Variants in ESPN observed in about 807,000 individuals in gnomAD.
ESPN encodes the protein espin.
A neutral mutation model predicts 77.7 loss-of-function variants in ESPN; 68 were observed. That is an observed-to-expected ratio of 0.87 (90% CI 0.72 to 1.07). ESPN has a LOEUF of 1.07. ESPN is among the 50% of genes least tolerant of loss of function. The probability of loss-of-function intolerance (pLI) is 0.00; values close to 1 mark genes in which losing one functional copy is unlikely to be tolerated. For synonymous variants in ESPN, 449 were observed against 567.1 expected (o/e 0.79, Z 2.96); for missense variants, 1,060 against 1,239.0 (o/e 0.86, Z 2.17).
intron 2 of ESPN, among the ~76,000 whole-genome samples, chr1:6,434,700 G>A (rs1194852517): frequency 1.3e-5 from 2 of 152,282 alleles, no homozygotes; most frequent in African/African-American, 4.8e-5. Flanking sequence ...CCGTCATCAC[G>A]TCAGCCATAC....
At chr1:6,443,192 G>C (rs962215116) in intron 5 of ESPN, 1 of 149,676 alleles carries the variant, frequency 6.7e-6, no homozygotes, top group African/African-American at 2.5e-5. Flanking sequence ...AAAAAAAGTT[G>C]ACAATATGGC....
chr1:6,454,104 C>G (rs575431801), intron 10 of ESPN, among the ~76,000 whole-genome samples: 1 of 152,312 alleles, frequency 6.6e-6, no homozygotes, highest in East Asian at 1.9e-4. Flanking sequence ...ACGCCTTTCG[C>G]AAGTTCCTTG....
At chr1:6,457,510 A>C in intron 12 of ESPN, 138 bp downstream of exon 12, 2 of 1,003,470 alleles carry the variant, frequency 2.0e-6, no homozygotes, top group Non-Finnish European at 3.1e-6. Context: ...TCCCTATAAT[A>C]CCCCAGAATC....
At chr1:6,438,462 A>G (rs1160367026) in intron 2 of ESPN, among the ~76,000 whole-genome samples, 10 of 152,258 alleles carry the variant, frequency 6.6e-5, no homozygotes, top group Non-Finnish European at 1.5e-4. Flanking sequence ...AGACTGTGGC[A>G]CAGCTCAAAG....
rs182098965 is a variant in ESPN at position 6,450,999 on chromosome 1, C to A, written c.1916-604C>A. Among the ~76,000 whole-genome samples, 29 of 152,318 alleles carry A rather than the reference C, an allele frequency of 1.9e-4. No individual in the cohort carries two copies. The highest frequency in any genetic ancestry group is 4.0e-4 in the Non-Finnish European group (27 of 68,038). On this transcript the variant is annotated intron_variant, in intron 8 of 12. Transcript: ENST00000645284. This position sits in a 1 kb window ranked among gnomAD's most constrained non-coding sequence, Gnocchi z 4.3. ...TAGTAAGGGCTCTGCTTTCCTGGGC[C>A]CCTAGAGCTGAGCCATGCTTTGCCA...
rs1643131054 is a variant in ESPN, at chr1:6,428,708, G to T, written c.488+289G>T. Among the ~76,000 whole-genome samples the T allele has an allele frequency of 1.3e-5, 2 of 152,218 alleles. No homozygotes were observed. The highest frequency in any genetic ancestry group is 4.1e-4 in the South Asian group (2 of 4,830). ...CTGGGAGGCTGGGCACACAGGCCAA[G>T]GTCACCTGTTCCCCTTGGGCTGCTT... is the stretch of plus-strand genomic sequence containing the variant. On this transcript the variant is annotated intron_variant, in intron 2 of 12. Coordinates refer to ENST00000645284, the MANE Select transcript of ESPN (RefSeq NM_031475.3). The surrounding 1 kb of genome is among the most constrained non-coding windows in gnomAD (Gnocchi z 5.4).
At position 6,443,380 on chromosome 1, in the gene ESPN, G is replaced by C. The variant is rs1643716180; in HGVS notation, c.991-1101G>C. Among the ~76,000 whole-genome samples, 4 of 152,260 alleles carry C rather than the reference G, an allele frequency of 2.6e-5. No individual in the cohort carries two copies. The South Asian group carries it at 8.3e-4, about 31-fold the overall frequency. ...CTGCAGAGCTGGGTGGCTCAGGCCA[G>C]GTGCAGTACACCTGCTGTGGCCCAG... On this transcript the variant is annotated intron_variant, in intron 5 of 12. Coordinates refer to ENST00000645284, the MANE Select transcript of ESPN (RefSeq NM_031475.3).
chr1:6,430,804 C>T (rs1177281599), intron 2 of ESPN, among the ~76,000 whole-genome samples: 2 of 152,130 alleles, frequency 1.3e-5, no homozygotes, highest in African/African-American at 4.8e-5. Flanking sequence ...AAAAAGGCAT[C>T]TCTCAGTTGG....
chr1:6,431,999 G>A (rs1569595001), intron 2 of ESPN, among the ~76,000 whole-genome samples: 2 of 152,294 alleles, frequency 1.3e-5, no homozygotes, highest in South Asian at 4.1e-4. Context: ...CCTTGAGCAG[G>A]CTGTACCTCC....
chr1:6,456,043 C>G, intron 10 of ESPN: 1 of 397,084 alleles, frequency 2.5e-6, no homozygotes, highest in East Asian at 3.6e-5. Flanking sequence ...GCGCCTCCCC[C>G]GACCTCAGAC....
At position 6,441,106 on chromosome 1, in the gene ESPN, G is replaced by A. The variant is rs185095656; in HGVS notation, c.990+41G>A. ...TGCTCCTGTCGCATTCTTTCTTCTC[G>A]CCCCTCCACCCCAGTGGTGGGTGTC... is the stretch of plus-strand genomic sequence containing the variant. On this transcript the variant is annotated intron_variant, in intron 5 of 12. Transcript: ENST00000645284. 110 of 1,596,386 alleles carry A rather than the reference G, an allele frequency of 6.9e-5. No homozygotes were observed. The African/African-American group carries it at 1.3e-3, about 19-fold the overall frequency.
chr1:6,448,616 C>T (rs1462948548), intron 7 of ESPN, 25 bp from the exon 8 acceptor site: 6 of 1,549,196 alleles, frequency 3.9e-6, no homozygotes, highest in South Asian at 3.5e-5. Context: ...GTGCCCGAGC[C>T]CCACCGGTCA....
intron 2 of ESPN, among the ~76,000 whole-genome samples, chr1:6,432,994 T>G (rs1557696327): frequency 6.6e-6 from 1 of 151,844 alleles, no homozygotes; most frequent in Non-Finnish European, 1.5e-5. Context: ...TGGTGGCACG[T>G]GCCTGTAGTC....
At chr1:6,458,388 T>A (rs1247428091) in intron 12 of ESPN, among the ~76,000 whole-genome samples, 1 of 145,814 alleles carries the variant, frequency 6.9e-6, no homozygotes, top group Non-Finnish European at 1.5e-5. Flanking sequence ...CAATCTTGGC[T>A]CACTGCAACC....
rs1340325818 is a variant in ESPN at position 6,445,711 on chromosome 1, C to G, written c.1240C>G (p.Leu414Val). 6.2e-7 allele frequency: 1 copy of G among 1,612,296 alleles called. No individual in the cohort carries two copies. The highest frequency in any genetic ancestry group is 1.1e-5 in the South Asian group (1 of 90,918). The change falls in exon 7 of 13, where the codon CTG becomes GTG. Residue 414 changes from leucine to valine, a missense_variant. Leu to Val is a conservative substitution (Grantham distance 32, BLOSUM62 1). This residue lies in a region of ESPN where 556 missense variants were observed against 633.6 expected (regional missense o/e 0.88). Transcript: ENST00000645284. ...AADIQSYMDMLNPELGLPRGT... is the reference protein window; with the variant it reads ...AADIQSYMDMVNPELGLPRGT... ...AGACATACAGAGCTACATGGACATGCTGAACCCGGAGCTGGGCCTGCCTCG... is the reference window on the plus strand; with the variant it reads ...AGACATACAGAGCTACATGGACATGGTGAACCCGGAGCTGGGCCTGCCTCG...
chr1:6,455,319 T>TGCCGCGGACCAGGCC (rs1440465035), intron 10 of ESPN: 6 of 386,448 alleles, frequency 1.6e-5, no homozygotes, highest in Admixed American at 9.0e-5. Flanking sequence ...CCGCTGGGCC[T>TGCCGCGGACCAGGCC]GCCGCGGACC....
In ESPN at chr1:6,447,893, G is replaced by C. The variant is rs1231639602; in HGVS notation, c.1465-748G>C. On this transcript the variant is annotated intron_variant, in intron 7 of 12. Coordinates refer to ENST00000645284, the MANE Select transcript of ESPN (RefSeq NM_031475.3). The surrounding 1 kb of genome is among the most constrained non-coding windows in gnomAD (Gnocchi z 5.2). The stretch of plus-strand genomic sequence containing the variant: ...TCTGGCCGGGGACGGGTGCAGAGCC[G>C]CGGCCAGGTGTGGCAAAGTAGTTGG... 6.6e-6 allele frequency: 1 copy of C among 152,244 alleles called. No homozygotes were observed. The highest frequency in any genetic ancestry group is 1.9e-4 in the East Asian group (1 of 5,188). 9.4% of individuals were successfully genotyped at this position (152,244 alleles called of 1,614,324 possible).
intron 2 of ESPN, among the ~76,000 whole-genome samples, chr1:6,435,242 C>T (rs1214487064): frequency 1.3e-5 from 2 of 152,016 alleles, no homozygotes; most frequent in East Asian, 1.9e-4. Flanking sequence ...GACTGATCCT[C>T]GGATGGAGAG....
chr1:6,454,551 G>C (rs1424339391), intron 10 of ESPN: 1 of 398,956 alleles, frequency 2.5e-6, no homozygotes, highest in East Asian at 3.6e-5. Context: ...CCTCCGCATC[G>C]AGCAGCAAAT....
Sources: allele counts gnomAD v4.1 joint callset (sites outside exome capture counted in the v4.1 genomes callset), GRCh38; gene constraint gnomAD v4.1.1; regional missense constraint gnomAD v4.1.1; non-coding constraint Gnocchi (gnomAD v3.1); transcripts MANE v1.5; gene names NCBI Gene and HGNC (gene_info 2026-07-23, HGNC 2026-07-21).